The following COL10A1 variants were observed in gnomAD, a reference collection of about 807,000 sequenced individuals.
The protein encoded by COL10A1 is collagen alpha-1(X) chain.
COL10A1 carries 10 observed loss-of-function variants against 18.2 expected under a neutral mutation model. The observed-to-expected ratio is 0.55, with a 90% CI of 0.34 to 0.93. The LOEUF is 0.93. COL10A1 is among the 40% of genes least tolerant of loss of function. The pLI, the probability that COL10A1 is intolerant of heterozygous loss-of-function variation, is 0.02. For synonymous variants in COL10A1, 330 were observed against 316.6 expected (o/e 1.04, Z -0.45); for missense variants, 897 against 853.5 (o/e 1.05, Z -0.64).
chr6:116,125,577 A>C, intron 1 of COL10A1, 70 bp from the exon 2 acceptor site: 1 of 1,401,790 alleles, frequency 7.1e-7, no homozygotes, highest in East Asian at 2.4e-5. Flanking sequence ...CATGTTTCAC[A>C]GATGAGTTCT....
At chr6:116,202,028 T>C in the COL10A1 span, among the ~76,000 whole-genome samples, 2 of 151,994 alleles carry the variant, frequency 1.3e-5, no homozygotes, top group South Asian at 4.2e-4. Flanking sequence ...ATATCCAGGC[T>C]GTCCAGTGTG....
At chr6:116,148,612 T>C (rs1200479350) in intron 1 of COL10A1, among the ~76,000 whole-genome samples, 1 of 152,226 alleles carries the variant, frequency 6.6e-6, no homozygotes, top group African/African-American at 2.4e-5. Flanking sequence ...TGTATTTTTT[T>C]AGAACATCAG....
chr6:116,202,244 T>C, the COL10A1 span, among the ~76,000 whole-genome samples: 1 of 152,046 alleles, frequency 6.6e-6, no homozygotes, highest in Non-Finnish European at 1.5e-5. Context: ...CACTTGGCTA[T>C]TCTTTTCGAG....
intron 1 of COL10A1, among the ~76,000 whole-genome samples, chr6:116,142,626 A>G (rs1460575347): frequency 6.6e-6 from 1 of 152,196 alleles, no homozygotes; most frequent in African/African-American, 2.4e-5. Flanking sequence ...GTCTTCAGCG[A>G]GCTGGGCATC....
At chr6:116,165,697 G>A in the COL10A1 span, among the ~76,000 whole-genome samples, 2 of 152,106 alleles carry the variant, frequency 1.3e-5, no homozygotes, top group Non-Finnish European at 2.9e-5. Context: ...CATTTCCTTT[G>A]TCCCAAGGGG....
Position 116,121,830 on chromosome 6 carries a change from A to T in COL10A1, c.286T>A (p.Leu96Met), listed in dbSNP as rs768556259. ...GSPGLQGEPG[L>M]PGPPGPSAVG... ...GCTGATGGTCCCGGTGGTCCTGGCA[A>T]CCCTGGCTCTCCTTGGAGTCCAGGA... Residue 96 changes from leucine to methionine, a missense_variant, in exon 3 of 3, where the codon TTG becomes ATG. Physicochemically the swap from Leu to Met is conservative, Grantham distance 15. Transcript: ENST00000651968. The T allele has an allele frequency of 6.2e-7, 1 of 1,612,770 alleles. No homozygotes were observed. The highest frequency in any genetic ancestry group is 8.5e-7 in the Non-Finnish European group (1 of 1,179,566).
chr6:116,146,839 C>T (rs1404160197), intron 1 of COL10A1, among the ~76,000 whole-genome samples: 2 of 151,778 alleles, frequency 1.3e-5, no homozygotes, highest in Middle Eastern at 3.4e-3. Flanking sequence ...TGGTGTTTGG[C>T]CTATGGATAG....
chr6:116,150,692 A>C (rs904883397), intron 1 of COL10A1, among the ~76,000 whole-genome samples: 3 of 152,176 alleles, frequency 2.0e-5, no homozygotes, highest in Non-Finnish European at 4.4e-5. Context: ...GCATTAGTCT[A>C]GCAGTATTTT....
the COL10A1 span, among the ~76,000 whole-genome samples, chr6:116,212,178 G>A: frequency 1.3e-5 from 2 of 151,710 alleles, no homozygotes; most frequent in Admixed American, 1.3e-4. Context: ...AAATCTCACT[G>A]ATTTGAAACT....
intron 1 of COL10A1, among the ~76,000 whole-genome samples, chr6:116,143,991 T>G (rs1327917515): frequency 6.6e-6 from 1 of 152,154 alleles, no homozygotes; most frequent in Non-Finnish European, 1.5e-5. Context: ...GAGAAAAAAC[T>G]TAGAAAGATT....
chr6:116,150,474 A>G (rs1582836521), intron 1 of COL10A1, among the ~76,000 whole-genome samples: 1 of 152,022 alleles, frequency 6.6e-6, no homozygotes, highest in African/African-American at 2.4e-5. Flanking sequence ...TAATAGAGAC[A>G]GGGTTTTACC....
At chr6:116,129,694 C>A (rs1056735593), upstream of COL10A1, among the ~76,000 whole-genome samples, 1 of 152,166 alleles carries the variant, frequency 6.6e-6, no homozygotes, top group Admixed American at 6.6e-5. Flanking sequence ...CATAAATTAC[C>A]CCGTCTGTGG....
At chr6:116,214,976 G>A in the COL10A1 span, among the ~76,000 whole-genome samples, 3 of 152,054 alleles carry the variant, frequency 2.0e-5, no homozygotes, top group Admixed American at 6.6e-5. Flanking sequence ...AGGTCTCTAG[G>A]GTGGGGGGCA....
In COL10A1 at chr6:116,120,385, G is replaced by A; in HGVS notation, c.1731C>T (p.Asn577=). Reference sequence around the variant, plus strand: ...TCCTTGGGTCATAATGCTGTTGCCTGTTATACAAAATTTTATCAAATGGTA... The same window carrying A: ...TCCTTGGGTCATAATGCTGTTGCCTATTATACAAAATTTTATCAAATGGTA... ...TPIPFDKILY[N]RQQHYDPRTG... is the part of the protein sequence containing the mutation. The change falls in exon 3 of 3, where the codon AAC becomes AAT. Residue 577 remains asparagine (N), a synonymous_variant. Coordinates refer to ENST00000651968, the MANE Select transcript of COL10A1 (RefSeq NM_000493.4). 1.2e-6 allele frequency: 2 copies of A among 1,614,242 alleles called. No homozygotes were observed. Among genetic ancestry groups the A allele is most frequent in the Non-Finnish European group, 8.5e-7 (1 of 1,180,036 alleles).
At chr6:116,155,553 A>G (rs1780167728) in intron 1 of COL10A1, among the ~76,000 whole-genome samples, 1 of 152,126 alleles carries the variant, frequency 6.6e-6, no homozygotes, top group African/African-American at 2.4e-5. Flanking sequence ...ATTTAAAATG[A>G]CTTTGAATCC....
At chr6:116,178,604 C>A in the COL10A1 span, among the ~76,000 whole-genome samples, 2 of 152,194 alleles carry the variant, frequency 1.3e-5, no homozygotes, top group South Asian at 4.1e-4. Flanking sequence ...CCACCTTTTA[C>A]TCTGAAGAAT....
the COL10A1 span, among the ~76,000 whole-genome samples, chr6:116,169,890 G>A: frequency 2.6e-5 from 4 of 152,188 alleles, no homozygotes; most frequent in Non-Finnish European, 4.4e-5. Flanking sequence ...AGTTCTTAGG[G>A]CAGAAGAGGA....
In COL10A1 at chr6:116,125,450, A is replaced by G. The variant is rs147612968; in HGVS notation, c.43T>C (p.Leu15=). The G allele has an allele frequency of 6.2e-7, 1 of 1,613,920 alleles. No homozygotes were observed. Among genetic ancestry groups the G allele is most frequent in the African/African-American group, 1.3e-5 (1 of 75,048 alleles). Residue 15 remains leucine, a synonymous_variant, in exon 2 of 3, where the codon TTG becomes CTG. Coordinates refer to ENST00000651968, the MANE Select transcript of COL10A1 (RefSeq NM_000493.4). ...TCAGCGTAAAACACTCCATGAACCA[A>G]GTTCAAGGATACTAGCAGCAAAAAG... is the stretch of plus-strand genomic sequence containing the variant. The part of the protein sequence containing the change: ...IPFLLLVSLN[L]VHGVFYAERY...
the COL10A1 span, among the ~76,000 whole-genome samples, chr6:116,178,556 T>C: frequency 1.3e-5 from 2 of 152,182 alleles, no homozygotes; most frequent in African/African-American, 4.8e-5. Context: ...TCATAACTAG[T>C]GTCAGCTGGT....
Sources: gnomAD v4.1 joint callset for allele counts (sites outside exome capture counted in the v4.1 genomes callset) on GRCh38, gnomAD v4.1.1 for gene constraint, MANE v1.5 for transcripts, NCBI Gene and HGNC (gene_info 2026-07-23, HGNC 2026-07-21) for gene names.